The following CSMD1 variants were observed in gnomAD, a reference collection of about 807,000 sequenced individuals.
The protein encoded by CSMD1 is CUB and Sushi multiple domains 1.
In CSMD1, 213 loss-of-function variants were observed where a neutral mutation model predicts 417.5. The observed-to-expected ratio is 0.51, with a 90% CI of 0.46 to 0.57. The LOEUF (loss-of-function observed/expected upper bound fraction) is 0.57, where lower values mean the gene tolerates loss of function less well. Ranked by LOEUF, CSMD1 falls within the 20% of genes least tolerant of loss-of-function variation. CSMD1 has a pLI of 0.00. For missense variants in CSMD1, 6,923 were observed against 4,529.7 expected, an observed-to-expected ratio of 1.53 and a Z score of -15.17; for synonymous variants, 2,862 against 1,736.8, an observed-to-expected ratio of 1.65 and a Z score of -16.11.
At chr8:3,242,303 G>C (rs78805057) in intron 26 of CSMD1, among the ~76,000 whole-genome samples, 1 of 150,092 alleles carries the variant, frequency 6.7e-6, no homozygotes, top group Non-Finnish European at 1.5e-5. Flanking sequence ...GGAAGGGAGA[G>C]GTCAGATGGG....
Position 3,647,254 on chromosome 8 carries a change from T to A in CSMD1, c.1010-30457A>T, listed in dbSNP as rs529658945. ...ACTTCAGCAAGGGATGAGTAACAACTCAGATAAAAGGAGACCAGGGTGGCA... is the reference window on the plus strand; with the variant it reads ...ACTTCAGCAAGGGATGAGTAACAACACAGATAAAAGGAGACCAGGGTGGCA... On this transcript the variant is annotated intron_variant, in intron 7 of 69. Coordinates refer to ENST00000635120, the MANE Select transcript of CSMD1 (RefSeq NM_033225.6). Among the ~76,000 whole-genome samples the A allele has an allele frequency of 6.6e-5, 10 of 152,198 alleles. No homozygotes were observed. In the South Asian group the frequency reaches 1.5e-3, roughly 22 times the overall value.
At chr8:3,493,073 C>T (rs1049644302) in intron 11 of CSMD1, among the ~76,000 whole-genome samples, 3 of 151,990 alleles carry the variant, frequency 2.0e-5, no homozygotes, top group African/African-American at 7.2e-5. Flanking sequence ...GTGGGCAAAT[C>T]ACCAGAGGTC....
chr8:4,163,262 C>T (rs552494354), intron 3 of CSMD1, among the ~76,000 whole-genome samples: 1 of 152,078 alleles, frequency 6.6e-6, no homozygotes, highest in Admixed American at 6.6e-5. Flanking sequence ...GAGTGTGCTT[C>T]CTGGACTGCA....
At chr8:4,328,339 C>A (rs1799675882) in intron 3 of CSMD1, among the ~76,000 whole-genome samples, 1 of 149,118 alleles carries the variant, frequency 6.7e-6, no homozygotes, top group Non-Finnish European at 1.5e-5. Flanking sequence ...CGGTCTGAGA[C>A]TTCTCTCTTT....
At chr8:4,126,491 G>A (rs1053939897) in intron 3 of CSMD1, among the ~76,000 whole-genome samples, 4 of 152,124 alleles carry the variant, frequency 2.6e-5, no homozygotes, top group African/African-American at 7.2e-5. Context: ...CCACCTCCAT[G>A]GGCACACTGG....
intron 64 of CSMD1, 135 bp downstream of exon 64, chr8:2,955,454 C>T (rs772433171): frequency 4.7e-5 from 35 of 745,052 alleles, no homozygotes; most frequent in Admixed American, 3.6e-4. Context: ...ACATGAAGCA[C>T]GACTGAGGCA....
intron 55 of CSMD1, among the ~76,000 whole-genome samples, chr8:2,976,512 G>A (rs1804942638): frequency 6.6e-6 from 1 of 152,042 alleles, no homozygotes; most frequent in Admixed American, 6.6e-5. Context: ...TGCCCCACTA[G>A]TTTTTATTTT....
Position 4,031,938 on chromosome 8 carries a change from C to A in CSMD1, c.577G>T (p.Ala193Ser), listed in dbSNP as rs769418184. Reference protein sequence around the residue: ...LTCIVSPGNGASWDFPAPFCR... With the variant: ...LTCIVSPGNGSSWDFPAPFCR... ...AAGGGAGCTGGGAAGTCCCACGATG[C>A]ACCATTTCCTGGGCTGACGATGCAG... Residue 193 changes from alanine (A) to serine (S), a missense_variant, in exon 4 of 70, where the codon GCA becomes TCA. Physicochemically the swap from Ala to Ser is moderately conservative, Grantham distance 99 (BLOSUM62 1). Coordinates refer to ENST00000635120, the MANE Select transcript of CSMD1 (RefSeq NM_033225.6). The A allele has an allele frequency of 1.2e-6, 2 of 1,613,868 alleles. No individual in the cohort carries two copies. Among genetic ancestry groups the A allele is most frequent in the African/African-American group, 1.3e-5 (1 of 75,032 alleles).
intron 26 of CSMD1, among the ~76,000 whole-genome samples, chr8:3,239,570 T>A (rs758896984): frequency 1.1e-4 from 16 of 151,842 alleles, no homozygotes; most frequent in Non-Finnish European, 2.1e-4. Context: ...TAGGGAAGGG[T>A]GGGGGCCTGA....
In CSMD1 at chr8:3,795,904, T is replaced by A. The variant is rs1377878157; in HGVS notation, c.819-41862A>T. On this transcript the variant is annotated intron_variant, in intron 5 of 69. Transcript: ENST00000635120. ...TATCTATCATGTACAGATATATATA[T>A]CATGTACAGATATAGATATCTATCA... Among the ~76,000 whole-genome samples the A allele has an allele frequency of 5.4e-4, 33 of 60,870 alleles. 12 individuals are homozygous for A. The highest frequency in any genetic ancestry group is 8.6e-4 in the Admixed American group (5 of 5,796). The allele number at this position is 60,870 out of a possible 152,430, so 39.9% of individuals were successfully genotyped here.
chr8:3,364,780 C>T (rs1227490327), intron 20 of CSMD1, among the ~76,000 whole-genome samples: 1 of 152,174 alleles, frequency 6.6e-6, no homozygotes, highest in African/African-American at 2.4e-5. Context: ...TCTTGGACTT[C>T]CCAGGGTCCA....
intron 1 of CSMD1, among the ~76,000 whole-genome samples, chr8:4,938,795 T>C (rs10089464): frequency 2.7e-3 from 412 of 152,314 alleles, no homozygotes; most frequent in African/African-American, 9.1e-3. Context: ...GAATGCTTTT[T>C]TATATTTCAT....
chr8:4,210,954 T>C (rs193034495), intron 3 of CSMD1, among the ~76,000 whole-genome samples: 109 of 152,214 alleles, frequency 7.2e-4, no homozygotes, highest in African/African-American at 2.4e-3. Context: ...GCTTTAAACT[T>C]CTCTAAATGA....
chr8:4,483,682 A>C (rs1658824), intron 2 of CSMD1, among the ~76,000 whole-genome samples: 2,221 of 152,332 alleles, frequency 0.015, 52 homozygotes, highest in African/African-American at 0.051. Context: ...TTTTTGTAAG[A>C]AAAGCACTGA....
intron 23 of CSMD1, among the ~76,000 whole-genome samples, chr8:3,331,017 G>A (rs927562235): frequency 1.1e-4 from 17 of 151,792 alleles, no homozygotes; most frequent in Non-Finnish European, 4.4e-5. Flanking sequence ...TTGGGAGGCC[G>A]AGGCGGGCGG....
intron 2 of CSMD1, among the ~76,000 whole-genome samples, chr8:4,511,791 A>G (rs775293087): frequency 2.6e-5 from 4 of 152,254 alleles, no homozygotes; most frequent in East Asian, 1.9e-4. Context: ...AGAGGACTCA[A>G]TCATCAGGGG....
chr8:3,552,508 C>T (rs1204313150), intron 10 of CSMD1, among the ~76,000 whole-genome samples: 1 of 152,072 alleles, frequency 6.6e-6, no homozygotes, highest in Non-Finnish European at 1.5e-5. Context: ...GAAAACATTG[C>T]TAAAGAGACT....
In CSMD1 at chr8:4,075,273, A is replaced by C. The variant is rs1448116849; in HGVS notation, c.416-43174T>G. Reference sequence around the variant, plus strand: ...CTAAAAAACAAAGTATTATAAAATAAAGATGAATTGTTGATATATGTTTAT... The same window carrying C: ...CTAAAAAACAAAGTATTATAAAATACAGATGAATTGTTGATATATGTTTAT... On this transcript the variant is annotated intron_variant, in intron 3 of 69. Transcript: ENST00000635120. 2.0e-5 allele frequency among the ~76,000 whole-genome samples: 3 copies of C among 152,348 alleles called. No homozygotes were observed. In the East Asian group the frequency reaches 5.8e-4, roughly 29 times the overall value.
intron 3 of CSMD1, among the ~76,000 whole-genome samples, chr8:4,173,094 T>C (rs1647299): frequency 0.017 from 2,533 of 151,960 alleles, 77 homozygotes; most frequent in African/African-American, 0.055. Flanking sequence ...CAGGGAAAGG[T>C]TGTATGAACC....
Sources: allele counts gnomAD v4.1 joint callset (sites outside exome capture counted in the v4.1 genomes callset), GRCh38; gene constraint gnomAD v4.1.1; transcripts MANE v1.5; gene names NCBI Gene and HGNC (gene_info 2026-07-23, HGNC 2026-07-21).